The following LMF1 variants were observed in gnomAD, a reference collection of about 807,000 sequenced individuals.
LMF1 encodes lipase maturation factor 1.
Under a neutral mutation model 60.6 loss-of-function variants are expected in LMF1, and 68 were observed. That is an observed-to-expected ratio of 1.12 (90% CI 0.92 to 1.37). LMF1 has a LOEUF of 1.37. Among genes scored for constraint, LMF1 ranks in the 40% most tolerant of loss-of-function variants. LMF1 has a pLI of 0.00. For missense variants in LMF1, 948 were observed against 767.2 expected, an observed-to-expected ratio of 1.24 and a Z score of -2.78; for synonymous variants, 418 against 324.7, an observed-to-expected ratio of 1.29 and a Z score of -3.09.
intron 2 of LMF1, among the ~76,000 whole-genome samples, chr16:949,326 A>G (rs2072365475): frequency 6.9e-6 from 1 of 144,714 alleles, no homozygotes; most frequent in Admixed American, 6.9e-5. Context: ...GAGTCAGCCA[A>G]CGACAGAGTC....
chr16:864,271 T>C (rs142006247), intron 10 of LMF1, among the ~76,000 whole-genome samples: 1 of 152,340 alleles, frequency 6.6e-6, no homozygotes, highest in East Asian at 1.9e-4. Flanking sequence ...AGTCACATAT[T>C]TTTTTCTATC....
At chr16:884,633 T>C (rs1002763320) in intron 5 of LMF1, among the ~76,000 whole-genome samples, 3 of 151,702 alleles carry the variant, frequency 2.0e-5, no homozygotes, top group Non-Finnish European at 2.9e-5. Flanking sequence ...GAAGTGGTGA[T>C]GTTAGGTGGA....
chr16:898,736 C>T (rs1029172124), intron 4 of LMF1, among the ~76,000 whole-genome samples: 12 of 152,224 alleles, frequency 7.9e-5, no homozygotes, highest in African/African-American at 1.4e-4. Flanking sequence ...ATCTCTCTGA[C>T]GGGATTGGTT....
At chr16:920,163 A>G (rs1034563995) in intron 3 of LMF1, among the ~76,000 whole-genome samples, 6 of 151,234 alleles carry the variant, frequency 4.0e-5, no homozygotes, top group African/African-American at 1.5e-4. Flanking sequence ...CACTGGCCCT[A>G]GTCCGTCGTC....
chr16:978,088 AAC>A (rs1437014014), intron 1 of LMF1, among the ~76,000 whole-genome samples: 19 of 90,502 alleles, frequency 2.1e-4, no homozygotes, highest in Admixed American at 4.3e-4. Flanking sequence ...CACCACACCA[AAC>A]ACACACGGAC....
At chr16:906,703 T>A (rs1223748297) in intron 4 of LMF1, among the ~76,000 whole-genome samples, 1 of 152,242 alleles carries the variant, frequency 6.6e-6, no homozygotes, top group East Asian at 1.9e-4. Context: ...TTCATTACGA[T>A]CATTTTTCAG....
intron 1 of LMF1, among the ~76,000 whole-genome samples, chr16:960,153 T>A (rs1300666651): frequency 1.3e-5 from 2 of 152,178 alleles, no homozygotes; most frequent in Non-Finnish European, 2.9e-5. Flanking sequence ...AAACAACTCA[T>A]TCTAGGGCTG....
intron 2 of LMF1, among the ~76,000 whole-genome samples, chr16:942,197 A>G (rs965820085): frequency 1.3e-5 from 2 of 152,210 alleles, no homozygotes; most frequent in Non-Finnish European, 2.9e-5. Flanking sequence ...TGGGTTGACA[A>G]TCGTTTTTCT....
intron 1 of LMF1, chr16:976,744 C>T (rs1396046829): frequency 2.2e-6 from 1 of 454,046 alleles, no homozygotes; most frequent in South Asian, 1.6e-5. Context: ...AGGAGCACAG[C>T]TGTTCCCGAC....
intron 5 of LMF1, among the ~76,000 whole-genome samples, chr16:892,574 G>A (rs1165604051): frequency 6.6e-6 from 1 of 152,252 alleles, no homozygotes; most frequent in Admixed American, 6.5e-5. Context: ...CACCTGCCCT[G>A]TGGGACACAC....
chr16:890,736 G>A (rs2070458659), intron 5 of LMF1, among the ~76,000 whole-genome samples: 1 of 152,244 alleles, frequency 6.6e-6, no homozygotes, highest in Admixed American at 6.5e-5. Flanking sequence ...TTGGGGCTCA[G>A]CAGTCCACTC....
At chr16:971,123 A>AGGCACCGCCCCCTCCAGCC (rs2073044336), upstream of LMF1, 3 of 832,056 alleles carry the variant, frequency 3.6e-6, no homozygotes, top group Non-Finnish European at 4.9e-6. Flanking sequence ...ACAGTCCCGG[A>AGGCACCGCCCCCTCCAGCC]GGCACCGCCC....
intron 4 of LMF1, among the ~76,000 whole-genome samples, chr16:894,285 G>A (rs1196627573): frequency 3.8e-3 from 4 of 1,044 alleles, no homozygotes; most frequent in Non-Finnish European, 6.7e-3. Flanking sequence ...CCACCTGGCA[G>A]TGCGCCCACC....
rs2070106715 is a variant in LMF1, at chr16:879,696, G to A, written c.771C>T (p.His257=). ...MPNPVAYYLH[H]SPWWFHRFET... ...CGAAGCGATGGAACCACCAGGGTGAGTGGTGCAGGTAGTACGCCACAGGAT... is the reference window on the plus strand; with the variant it reads ...CGAAGCGATGGAACCACCAGGGTGAATGGTGCAGGTAGTACGCCACAGGAT... Residue 257 remains histidine, a synonymous_variant, in exon 6 of 11, where the codon CAC becomes CAT. Transcript: ENST00000262301. 6.2e-7 allele frequency: 1 copy of A among 1,603,826 alleles called. No homozygotes were observed. Among genetic ancestry groups the A allele is most frequent in the African/African-American group, 1.3e-5 (1 of 74,784 alleles).
rs1342159718 is a variant in LMF1 at position 854,636 on chromosome 16, A to G, written c.1600T>C (p.Trp534Arg). The change falls in exon 11 of 11, where the codon TGG (tryptophan) becomes CGG (arginine). Residue 534 changes from tryptophan to arginine, a missense_variant. By Grantham distance (101) the Trp-to-Arg change is moderately radical. Coordinates refer to ENST00000262301, the MANE Select transcript of LMF1 (RefSeq NM_022773.4). The part of the protein sequence containing the change: ...PGGRHAAEGK[W>R]WVRKRIGAYF... ...GCTCCGATCCTCTTCCGCACCCACC[A>G]CTTGCCCTCGGCGGCGTGCCTGCCC... 1 of 1,607,020 alleles carries G rather than the reference A, an allele frequency of 6.2e-7. No individual in the cohort carries two copies. The highest frequency in any genetic ancestry group is 8.5e-7 in the Non-Finnish European group (1 of 1,178,422).
intron 2 of LMF1, among the ~76,000 whole-genome samples, chr16:941,736 T>C (rs1328300345): frequency 6.6e-6 from 1 of 152,224 alleles, no homozygotes; most frequent in African/African-American, 2.4e-5. Context: ...TGCACTACTT[T>C]TAGTGATTGC....
intron 2 of LMF1, among the ~76,000 whole-genome samples, chr16:946,149 C>G (rs1338767793): frequency 2.0e-5 from 3 of 152,192 alleles, no homozygotes; most frequent in East Asian, 3.8e-4. Flanking sequence ...CTGCAAATGA[C>G]ACATGGGACA....
chr16:976,341 C>T (rs973829993), intron 1 of LMF1: 3 of 453,944 alleles, frequency 6.6e-6, no homozygotes, highest in East Asian at 1.4e-4. Flanking sequence ...AATCAGGCTG[C>T]GATCTGTAGT....
At chr16:909,677 T>C (rs984603158) in intron 4 of LMF1, among the ~76,000 whole-genome samples, 2 of 152,204 alleles carry the variant, frequency 1.3e-5, no homozygotes, top group East Asian at 3.9e-4. Context: ...CCTGAGTCCG[T>C]GGCCAGTGCT....
Sources: allele counts gnomAD v4.1 joint callset (sites outside exome capture counted in the v4.1 genomes callset), GRCh38; gene constraint gnomAD v4.1.1; transcripts MANE v1.5; gene names NCBI Gene and HGNC (gene_info 2026-07-23, HGNC 2026-07-21).